Variants in SH3BGR observed in about 807,000 individuals in gnomAD.
SH3BGR encodes the protein SH3 domain-binding glutamic acid-rich protein.
In SH3BGR, 29 loss-of-function variants were observed where a neutral mutation model predicts 24.5. That is an observed-to-expected ratio of 1.18 (90% confidence interval 0.88 to 1.61). SH3BGR has a LOEUF of 1.61. Ranked by LOEUF, SH3BGR falls within the 40% of genes most tolerant of loss-of-function variation. The pLI, the probability that SH3BGR is intolerant of heterozygous loss-of-function variation, is 0.00. For synonymous variants in SH3BGR, 55 were observed against 65.7 expected (o/e 0.84, Z 0.79); for missense variants, 162 against 205.8 (o/e 0.79, Z 1.30).
chr21:39,460,872 C>T (rs946954112), intron 1 of SH3BGR, among the ~76,000 whole-genome samples: 4 of 152,176 alleles, frequency 2.6e-5, no homozygotes, highest in Non-Finnish European at 2.9e-5. Flanking sequence ...ACTGTAACCT[C>T]GAACTCCTGG....
At chr21:39,471,670 C>T (rs1300163768) in intron 2 of SH3BGR, among the ~76,000 whole-genome samples, 3 of 151,846 alleles carry the variant, frequency 2.0e-5, no homozygotes, top group Admixed American at 6.6e-5. Flanking sequence ...CTATGTTGCC[C>T]AGGCTGGTCT....
rs1008019292 is a variant in SH3BGR at position 39,465,791 on chromosome 21, T to C, written c.231+3231T>C. Among the ~76,000 whole-genome samples the C allele has an allele frequency of 2.0e-5, 3 of 152,164 alleles. No homozygotes were observed. The East Asian group carries it at 5.8e-4, about 29-fold the overall frequency. On this transcript the variant is annotated intron_variant, in intron 2 of 6. Transcript: ENST00000333634. ...ATTTTTTGTAGAGATAGGGTCTCAC[T>C]GTATTTCCCAGGCTGGTCTCACACT...
intron 4 of SH3BGR, among the ~76,000 whole-genome samples, chr21:39,500,598 G>C (rs531754388): frequency 6.6e-6 from 1 of 152,150 alleles, no homozygotes; most frequent in Non-Finnish European, 1.5e-5. Context: ...CGCCAAGGAA[G>C]GAGCCTGGTG....
rs1206724079 is a variant in SH3BGR, at chr21:39,485,542, C to A, written c.312+10327C>A. ...GACAAAAATTACTATCATCCCTCAC[C>A]AATTCATTTAATCCTATGTAATTAA... On this transcript the variant is annotated intron_variant, in intron 3 of 6. Transcript: ENST00000333634. 3.9e-5 allele frequency among the ~76,000 whole-genome samples: 6 copies of A among 152,216 alleles called. No individual in the cohort carries two copies. In the South Asian group the frequency reaches 8.3e-4, roughly 21 times the overall value.
In SH3BGR at chr21:39,481,886, G is replaced by A. The variant is rs143363884; in HGVS notation, c.312+6671G>A. 5.4e-4 allele frequency among the ~76,000 whole-genome samples: 82 copies of A among 152,286 alleles called. No homozygotes were observed. The East Asian group carries it at 0.015, about 28-fold the overall frequency. On this transcript the variant is annotated intron_variant, in intron 3 of 6. Coordinates refer to ENST00000333634, the MANE Select transcript of SH3BGR (RefSeq NM_007341.3). Reference sequence around the variant, plus strand: ...TAATAAAACTGGGTAAAAGGCATTAGGTGAATTTGTTTCTTGGGGGAATCA... The same window carrying A: ...TAATAAAACTGGGTAAAAGGCATTAAGTGAATTTGTTTCTTGGGGGAATCA...
chr21:39,484,362 G>A (rs1017048904), intron 3 of SH3BGR, among the ~76,000 whole-genome samples: 6 of 152,130 alleles, frequency 3.9e-5, no homozygotes, highest in Non-Finnish European at 7.3e-5. Context: ...GAAACACTCC[G>A]GAGATATTCA....
At chr21:39,451,846 A>G, upstream of SH3BGR, 1 of 1,563,532 alleles carries the variant, frequency 6.4e-7, no homozygotes, top group Non-Finnish European at 8.7e-7. Flanking sequence ...TTTATCGACC[A>G]ATCAAATATT....
rs1437445778 is a variant in SH3BGR, at chr21:39,511,043, A to T, written c.436-637A>T. 6.6e-6 allele frequency among the ~76,000 whole-genome samples: 1 copy of T among 150,934 alleles called. No individual in the cohort carries two copies. The highest frequency in any genetic ancestry group is 1.9e-4 in the East Asian group (1 of 5,132). On this transcript the variant is annotated intron_variant, in intron 5 of 6. Coordinates refer to ENST00000333634, the MANE Select transcript of SH3BGR (RefSeq NM_007341.3). This position sits in a 1 kb window ranked among gnomAD's most constrained non-coding sequence, Gnocchi z 4.2. ...GGGATTATAAAACCTGTTAGGATTAACATATCATTCTAAAGCACCATTCTA... is the reference window on the plus strand; with the variant it reads ...GGGATTATAAAACCTGTTAGGATTATCATATCATTCTAAAGCACCATTCTA...
chr21:39,502,636 G>C (rs1381005644), intron 4 of SH3BGR, among the ~76,000 whole-genome samples: 1 of 152,214 alleles, frequency 6.6e-6, no homozygotes, highest in Non-Finnish European at 1.5e-5. Context: ...TTCCAGCTGG[G>C]TGGGGTGTTT....
Position 39,451,998 on chromosome 21 carries a change from G to A in SH3BGR, c.-99G>A, listed in dbSNP as rs764009477. On this transcript the variant is annotated 5_prime_UTR_variant, in exon 1 of 7. Transcript: ENST00000333634. ...GGACCCCTGGGCTGCTGCCAGCCCC[G>A]ACCTGGCACTTGCTTGCCTGTGTCA... The A allele has an allele frequency of 2.5e-6, 4 of 1,614,170 alleles. No homozygotes were observed. Among genetic ancestry groups the A allele is most frequent in the Middle Eastern group, 1.6e-4 (1 of 6,062 alleles).
intron 4 of SH3BGR, among the ~76,000 whole-genome samples, chr21:39,502,021 A>T (rs767238341): frequency 6.6e-6 from 1 of 152,220 alleles, no homozygotes; most frequent in Admixed American, 6.5e-5. Flanking sequence ...AAAAATACAA[A>T]AATTAGCTGG....
chr21:39,461,996 G>A (rs540639820), intron 1 of SH3BGR, among the ~76,000 whole-genome samples: 46 of 152,100 alleles, frequency 3.0e-4, no homozygotes, highest in Non-Finnish European at 3.2e-4. Context: ...TTACAGGCGT[G>A]TGCTACCATG....
chr21:39,497,483 A>T (rs548156889), intron 3 of SH3BGR, among the ~76,000 whole-genome samples: 129 of 152,082 alleles, frequency 8.5e-4, no homozygotes, highest in African/African-American at 3.0e-3. Context: ...AAAACTAAAA[A>T]AAATACAACA....
chr21:39,479,819 AT>A (rs1174202094), intron 3 of SH3BGR, among the ~76,000 whole-genome samples: 1 of 152,142 alleles, frequency 6.6e-6, no homozygotes, highest in Non-Finnish European at 1.5e-5. Flanking sequence ...GGTTAAGTCA[AT>A]TATTACTCAA....
intron 3 of SH3BGR, among the ~76,000 whole-genome samples, chr21:39,488,957 C>G (rs190579735): frequency 6.2e-4 from 95 of 152,268 alleles, no homozygotes; most frequent in African/African-American, 2.1e-3. Flanking sequence ...TCTGTTCCCC[C>G]CAACCCAAAA....
chr21:39,507,894 T>C (rs370892315), intron 4 of SH3BGR, among the ~76,000 whole-genome samples: 94 of 152,336 alleles, frequency 6.2e-4, no homozygotes, highest in African/African-American at 2.3e-3. Context: ...GAGCTGGGAT[T>C]ACAGGCATGA....
intron 3 of SH3BGR, among the ~76,000 whole-genome samples, chr21:39,498,286 G>A (rs1324692366): frequency 6.6e-6 from 1 of 152,036 alleles, no homozygotes; most frequent in African/African-American, 2.4e-5. Flanking sequence ...ATTGGAGGGT[G>A]TGTGTGTGTG....
At chr21:39,479,875 T>C (rs1342539369) in intron 3 of SH3BGR, among the ~76,000 whole-genome samples, 1 of 150,326 alleles carries the variant, frequency 6.7e-6, no homozygotes, top group Non-Finnish European at 1.5e-5. Context: ...ATTTTTTTTT[T>C]CCTGCAAAAA....
chr21:39,450,708 A>G (rs2077563854), upstream of SH3BGR, among the ~76,000 whole-genome samples: 1 of 152,136 alleles, frequency 6.6e-6, no homozygotes, highest in South Asian at 2.1e-4. Flanking sequence ...CTTGATCTTG[A>G]TTTTGAAATC....
Sources: gnomAD v4.1 joint callset for allele counts (sites outside exome capture counted in the v4.1 genomes callset) on GRCh38, gnomAD v4.1.1 for gene constraint, Gnocchi (gnomAD v3.1) non-coding constraint, MANE v1.5 for transcripts, NCBI Gene and HGNC (gene_info 2026-07-23, HGNC 2026-07-21) for gene names.